The following IQCM variants were observed in gnomAD, a reference collection of about 807,000 sequenced individuals.
IQCM encodes IQ motif containing M, also known as IQ domain-containing protein M.
A neutral mutation model predicts 57.6 loss-of-function variants in IQCM; 45 were observed. The observed-to-expected ratio is 0.78, with a 90% CI of 0.62 to 1.00. The LOEUF (loss-of-function observed/expected upper bound fraction) is 1.00. Ranked by LOEUF, IQCM falls within the 50% of genes least tolerant of loss-of-function variation. The pLI is 0.00. For synonymous variants in IQCM, 148 were observed against 158.9 expected (o/e 0.93, Z 0.51); for missense variants, 468 against 511.6 (o/e 0.91, Z 0.82).
At chr4:149,684,487 A>G (rs1042192634) in intron 6 of IQCM, among the ~76,000 whole-genome samples, 3 of 151,330 alleles carry the variant, frequency 2.0e-5, no homozygotes, top group African/African-American at 4.8e-5. Flanking sequence ...CAGGGGTCTA[A>G]TTAACTTGAA....
chr4:149,651,541 T>C (rs1759181212), intron 7 of IQCM, among the ~76,000 whole-genome samples: 1 of 152,018 alleles, frequency 6.6e-6, no homozygotes, highest in East Asian at 1.9e-4. Flanking sequence ...TCCTTACAAA[T>C]GGCTGGTCTG....
chr4:149,352,472 G>A (rs1390716294), intron 13 of IQCM, among the ~76,000 whole-genome samples: 3 of 152,202 alleles, frequency 2.0e-5, no homozygotes, highest in Admixed American at 6.5e-5. Flanking sequence ...CATGAATGAA[G>A]AGGTGTGTAG....
chr4:149,593,044 G>GGGCAGTAT (rs1753364925), intron 8 of IQCM, among the ~76,000 whole-genome samples: 1 of 152,128 alleles, frequency 6.6e-6, no homozygotes, highest in South Asian at 2.1e-4. Context: ...AAATTACCTT[G>GGGCAGTAT]GGCAGTATGG....
At chr4:149,760,852 T>C in intron 2 of IQCM, among the ~76,000 whole-genome samples, 1 of 151,300 alleles carries the variant, frequency 6.6e-6, no homozygotes, top group East Asian at 1.9e-4. Context: ...TTTAAATAAA[T>C]ACTCTTAGTA....
intron 7 of IQCM, among the ~76,000 whole-genome samples, chr4:149,625,228 CAT>C (rs1756692664): frequency 6.6e-6 from 1 of 152,182 alleles, no homozygotes; most frequent in East Asian, 1.9e-4. Flanking sequence ...TAAATCAATT[CAT>C]ATGTGTTGAA....
chr4:149,676,071 G>C (rs1761726108), intron 7 of IQCM, among the ~76,000 whole-genome samples: 1 of 151,982 alleles, frequency 6.6e-6, no homozygotes. Flanking sequence ...CCATGGGTCT[G>C]TTTCCTTACA....
intron 9 of IQCM, among the ~76,000 whole-genome samples, chr4:149,571,511 T>C (rs936725193): frequency 2.0e-5 from 3 of 152,016 alleles, no homozygotes; most frequent in African/African-American, 7.2e-5. Context: ...AGGGAGATGT[T>C]GGCCAAAGGA....
chr4:149,754,557 C>T (rs1462745113), intron 2 of IQCM, among the ~76,000 whole-genome samples: 7 of 152,150 alleles, frequency 4.6e-5, no homozygotes, highest in South Asian at 2.1e-4. Context: ...TCATCTTAGC[C>T]GACCTGTTAA....
chr4:149,654,366 C>T (rs1044191159), intron 7 of IQCM, among the ~76,000 whole-genome samples: 1 of 152,072 alleles, frequency 6.6e-6, no homozygotes, highest in African/African-American at 2.4e-5. Flanking sequence ...GTGCTCTCCT[C>T]ACCATAGTGA....
chr4:149,367,055 C>T (rs1016071559), intron 13 of IQCM, among the ~76,000 whole-genome samples: 3 of 151,940 alleles, frequency 2.0e-5, no homozygotes, highest in Non-Finnish European at 2.9e-5. Flanking sequence ...TATATTATCT[C>T]AATTTTTCTG....
intron 13 of IQCM, among the ~76,000 whole-genome samples, chr4:149,356,070 T>C (rs1728953689): frequency 6.6e-6 from 1 of 152,240 alleles, no homozygotes; most frequent in Admixed American, 6.5e-5. Flanking sequence ...TCATATCCTT[T>C]GCCCACTTTT....
intron 2 of IQCM, among the ~76,000 whole-genome samples, chr4:149,803,905 A>G (rs1444226947): frequency 5.9e-5 from 9 of 151,842 alleles, no homozygotes. Flanking sequence ...GAAATGTTCT[A>G]TAATCTTCTG....
chr4:149,559,398 C>T (rs1749906911), intron 10 of IQCM, among the ~76,000 whole-genome samples: 4 of 152,106 alleles, frequency 2.6e-5, no homozygotes, highest in Admixed American at 1.3e-4. Context: ...CCCAGCTATG[C>T]CCCAGCCCCT....
intron 10 of IQCM, among the ~76,000 whole-genome samples, chr4:149,559,809 T>A (rs982972874): frequency 1.3e-5 from 2 of 152,236 alleles, no homozygotes; most frequent in African/African-American, 4.8e-5. Flanking sequence ...GTCTGTGGCC[T>A]GTTGGGAACC....
intron 12 of IQCM, among the ~76,000 whole-genome samples, chr4:149,446,550 A>C (rs1373006362): frequency 6.6e-6 from 1 of 151,680 alleles, no homozygotes; most frequent in African/African-American, 2.4e-5. Flanking sequence ...CAGCAAACTA[A>C]AACATACGCA....
At position 149,359,718 on chromosome 4, in the gene IQCM, A is replaced by T. The variant is rs533599563; in HGVS notation, c.1391-7652T>A. Among the ~76,000 whole-genome samples, 5 of 152,262 alleles carry T rather than the reference A, an allele frequency of 3.3e-5. No individual in the cohort carries two copies. The South Asian group carries it at 1.0e-3, about 32-fold the overall frequency. The stretch of plus-strand genomic sequence containing the variant: ...TTTTAAATTATCTACAAATTTTTAT[A>T]TTCACAAGTCCATGTTATTATTCTT... On this transcript the variant is annotated intron_variant, in intron 13 of 13. Coordinates refer to ENST00000636793, the MANE Select transcript of IQCM (RefSeq NM_001363507.2).
chr4:149,724,129 AT>A (rs1765686063), intron 5 of IQCM, among the ~76,000 whole-genome samples: 1 of 151,956 alleles, frequency 6.6e-6, no homozygotes, highest in Non-Finnish European at 1.5e-5. Context: ...GTACTACAGC[AT>A]TTTAAATAAG....
intron 9 of IQCM, among the ~76,000 whole-genome samples, chr4:149,574,522 C>T (rs1312177158): frequency 6.6e-6 from 1 of 151,844 alleles, no homozygotes; most frequent in Non-Finnish European, 1.5e-5. Context: ...CAAATCTGTG[C>T]TCAAAGCATC....
At position 149,462,242 on chromosome 4, in the gene IQCM, C is replaced by T. The variant is rs368425044; in HGVS notation, c.1229-28685G>A. Among the ~76,000 whole-genome samples, 40 of 152,258 alleles carry T rather than the reference C, an allele frequency of 2.6e-4. No homozygotes were observed. In the South Asian group the frequency reaches 6.0e-3, roughly 23 times the overall value. ...GTGACATCAATGTAGCGGATACCAC[C>T]GCACACTCAGTGGAAAGCTTCTCCA... On this transcript the variant is annotated intron_variant, in intron 12 of 13. Coordinates refer to ENST00000636793, the MANE Select transcript of IQCM (RefSeq NM_001363507.2).
Sources: allele counts gnomAD v4.1 joint callset (sites outside exome capture counted in the v4.1 genomes callset), GRCh38; gene constraint gnomAD v4.1.1; transcripts MANE v1.5; gene names NCBI Gene and HGNC (gene_info 2026-07-23, HGNC 2026-07-21).